The following CD180 variants were observed in gnomAD, a reference collection of about 807,000 sequenced individuals.
CD180 encodes CD180 antigen.
In CD180, 11 loss-of-function variants were observed where a neutral mutation model predicts 10.7. That is an observed-to-expected ratio of 1.03 (90% CI 0.65 to 1.70). The LOEUF (loss-of-function observed/expected upper bound fraction) is 1.70, where lower values mean the gene tolerates loss of function less well. Among genes scored for constraint, CD180 ranks in the 40% most tolerant of loss-of-function variants. The pLI is 0.00. For missense variants in CD180, 729 were observed against 775.2 expected (o/e 0.94, Z 0.71); for synonymous variants, 286 against 294.6 (o/e 0.97, Z 0.30).
Position 67,185,869 on chromosome 5 carries a change from G to T in CD180, c.239C>A (p.Thr80Asn). 2 of 1,598,554 alleles carry T rather than the reference G, an allele frequency of 1.3e-6. No individual in the cohort carries two copies. The highest frequency in any genetic ancestry group is 1.2e-5 in the South Asian group (1 of 86,904). Residue 80 changes from threonine (T) to asparagine (N), a missense_variant, in exon 2 of 3, where the codon ACC (threonine) becomes AAC (asparagine). Physicochemically the swap from Thr to Asn is moderately conservative, Grantham distance 65 (BLOSUM62 0). Transcript: ENST00000256447. Reference sequence around the variant, plus strand: ...TACATACCTAGTTAAATCCAAAAAGGTAAGATTCATGAGTCTGCTGAAGGT... The same window carrying T: ...TACATACCTAGTTAAATCCAAAAAGTTAAGATTCATGAGTCTGCTGAAGGT... Reference protein sequence around the residue: ...NRTFSRLMNLTFLDLTRCQIN... With the variant: ...NRTFSRLMNLNFLDLTRCQIN...
intron 1 of CD180, among the ~76,000 whole-genome samples, chr5:67,191,910 T>C (rs1371079684): frequency 6.6e-6 from 1 of 152,136 alleles, no homozygotes; most frequent in Non-Finnish European, 1.5e-5. Flanking sequence ...TACTTGTATG[T>C]AAAAAACAAA....
chr5:67,184,732 A>C lies in CD180; in HGVS notation c.258-147T>G, dbSNP rs914181695. ...TCAATATCAACAGATGGCCTATTGA[A>C]GGAATTAATGAGTAGCCTCACTTCT... is the stretch of plus-strand genomic sequence containing the variant. On this transcript the variant is annotated intron_variant, in intron 2 of 2. Coordinates refer to ENST00000256447, the MANE Select transcript of CD180 (RefSeq NM_005582.3). 4 of 686,146 alleles carry C rather than the reference A, an allele frequency of 5.8e-6. No homozygotes were observed. In the South Asian group the frequency reaches 6.4e-5, roughly 11 times the overall value. 42.5% of individuals were successfully genotyped at this position (686,146 alleles called of 1,614,324 possible). A position where few individuals can be genotyped will look rare whatever the true frequency, so the allele number is the denominator to read the frequency against.
In CD180 at chr5:67,186,026, A is replaced by C; in HGVS notation, c.91-9T>G. On this transcript the variant is annotated splice_polypyrimidine_tract_variant and intron_variant, in intron 1 of 2. Transcript: ENST00000256447. Reference sequence around the variant, plus strand: ...GTTTTGTTGGCTTCTTTCTGATGGGAGAAACAAAGTAAATTAATATTAGAC... The same window carrying C: ...GTTTTGTTGGCTTCTTTCTGATGGGCGAAACAAAGTAAATTAATATTAGAC... 1 of 1,542,052 alleles carries C rather than the reference A, an allele frequency of 6.5e-7. No individual in the cohort carries two copies. The highest frequency in any genetic ancestry group is 1.7e-4 in the Middle Eastern group (1 of 5,806).
At chr5:67,191,150 G>T in intron 1 of CD180, 17 of 943,446 alleles carry the variant, frequency 1.8e-5, no homozygotes, top group Non-Finnish European at 2.1e-5. Flanking sequence ...TTGTCAATCT[G>T]ATTCCTCCAG....
chr5:67,186,873 T>TGTGTGTGTGTGTGTGTGTGTGTGTGA (rs772303459), intron 1 of CD180, among the ~76,000 whole-genome samples: 2 of 139,720 alleles, frequency 1.4e-5, no homozygotes, highest in African/African-American at 5.6e-5. Flanking sequence ...TGTGTGTGTG[T>TGTGTGTGTGTGTGTGTGTGTGTGTGA]GAAAGAGAGA....
In CD180 at chr5:67,185,920, T is replaced by C; in HGVS notation, c.188A>G (p.Asn63Ser). 6.2e-7 allele frequency: 1 copy of C among 1,612,030 alleles called. No individual in the cohort carries two copies. The highest frequency in any genetic ancestry group is 8.5e-7 in the Non-Finnish European group (1 of 1,178,860). ...TCTATTGTGAATTGTAGGCAAAAAA[T>C]TAAAGCTGAATTCCAAAAATTCTGT... is the stretch of plus-strand genomic sequence containing the variant. ...NTTEFLEFSF[N>S]FLPTIHNRTF... The change falls in exon 2 of 3, where the codon AAT (asparagine) becomes AGT (serine). Residue 63 changes from asparagine to serine, a missense_variant. Physicochemically the swap from Asn to Ser is conservative, Grantham distance 46 (BLOSUM62 1). Transcript: ENST00000256447.
intron 1 of CD180, 50 bp downstream of exon 1, chr5:67,196,502 A>G (rs1247227785): frequency 6.2e-7 from 1 of 1,602,224 alleles, no homozygotes; most frequent in African/African-American, 1.3e-5. Flanking sequence ...GCTAAATCTC[A>G]AAATTTTCAG....
Position 67,184,309 on chromosome 5 carries a change from C to T in CD180, c.534G>A (p.Leu178=), listed in dbSNP as rs1742135300. ...AGTGTATAGCATTATTCTGAAAATC[C>T]AGTACTTTCAGATTCCGTGCTGGGA... is the stretch of plus-strand genomic sequence containing the variant. ...KDFPARNLKV[L]DFQNNAIHYI... Residue 178 remains leucine, a synonymous_variant, in exon 3 of 3, where the codon CTG becomes CTA. Transcript: ENST00000256447. 1 of 1,614,016 alleles carries T rather than the reference C, an allele frequency of 6.2e-7. No individual in the cohort carries two copies. The highest frequency in any genetic ancestry group is 8.5e-7 in the Non-Finnish European group (1 of 1,180,020).
rs753770262 is a variant in CD180 at position 67,182,899 on chromosome 5, A to G, written c.1944T>C (p.Phe648=). 7 of 1,612,640 alleles carry G rather than the reference A, an allele frequency of 4.3e-6. No homozygotes were observed. The highest frequency in any genetic ancestry group is 5.9e-6 in the Non-Finnish European group (7 of 1,179,304). ...TCCACCTGAGAAGGTATTTAACTGC[A>G]AAAAATAGCAGAATAGCCAACAATA... ...FLLLLAILLF[F]AVKYLLRWKY... is the part of the protein sequence containing the mutation. Residue 648 remains phenylalanine, a synonymous_variant, in exon 3 of 3, where the codon TTT becomes TTC. Coordinates refer to ENST00000256447, the MANE Select transcript of CD180 (RefSeq NM_005582.3).
chr5:67,188,724 C>A (rs779576391), intron 1 of CD180, among the ~76,000 whole-genome samples: 1 of 151,284 alleles, frequency 6.6e-6, no homozygotes, highest in East Asian at 1.9e-4. Context: ...TTCTGCTTAG[C>A]GATGCACTTT....
In CD180 at chr5:67,182,419, G is replaced by C. The variant is rs144495046; in HGVS notation, c.*438C>G. The C allele has an allele frequency of 6.4e-6, 1 of 155,530 alleles. No individual in the cohort carries two copies. The highest frequency in any genetic ancestry group is 1.4e-5 in the Non-Finnish European group (1 of 70,338). 9.6% of individuals were successfully genotyped at this position (155,530 alleles called of 1,614,324 possible). A position where few individuals can be genotyped will look rare whatever the true frequency, so the allele number is the denominator to read the frequency against. On this transcript the variant is annotated 3_prime_UTR_variant, in exon 3 of 3. Coordinates refer to ENST00000256447, the MANE Select transcript of CD180 (RefSeq NM_005582.3). ...CCAGACCCAAGCACAATGCTGTAGTGGGGGTGGGTAGTGGGCTGGCTTCAG... is the reference window on the plus strand; with the variant it reads ...CCAGACCCAAGCACAATGCTGTAGTCGGGGTGGGTAGTGGGCTGGCTTCAG...
chr5:67,184,668 A>G, intron 2 of CD180, 83 bp from the exon 3 acceptor site: 1 of 1,114,110 alleles, frequency 9.0e-7, no homozygotes, highest in South Asian at 1.6e-5. Flanking sequence ...TAACAAAGTC[A>G]TCTTTTGTAT....
intron 1 of CD180, among the ~76,000 whole-genome samples, chr5:67,188,623 T>C (rs1742246497): frequency 6.6e-6 from 1 of 152,238 alleles, no homozygotes; most frequent in South Asian, 2.1e-4. Flanking sequence ...ATCTGCTTAG[T>C]GAGAAACAGA....
In CD180 at chr5:67,183,074, G is replaced by A. The variant is rs772324062; in HGVS notation, c.1769C>T (p.Thr590Ile). The A allele has an allele frequency of 4.3e-6, 7 of 1,612,380 alleles. No homozygotes were observed. The highest frequency in any genetic ancestry group is 5.9e-6 in the Non-Finnish European group (7 of 1,178,980). ...DCTCSNIHFL[T>I]WYKENLHKLE... The stretch of plus-strand genomic sequence containing the variant: ...TTTGTGCAGGTTTTCTTTGTACCAT[G>A]TTAAGAAATGAATATTCGAGCAAGT... The change falls in exon 3 of 3, where the codon ACA becomes ATA. Residue 590 changes from threonine (T) to isoleucine (I), a missense_variant. By Grantham distance (89) the Thr-to-Ile change is moderately conservative. Transcript: ENST00000256447.
At position 67,182,184 on chromosome 5, in the gene CD180, A is replaced by AT. The variant is rs1163152422; in HGVS notation, c.*672dup. 2 of 152,100 alleles carry AT rather than the reference A, an allele frequency of 1.3e-5. No individual in the cohort carries two copies. Among genetic ancestry groups the AT allele is most frequent in the African/African-American group, 2.4e-5 (1 of 41,384 alleles). 9.4% of individuals were successfully genotyped at this position (152,100 alleles called of 1,614,324 possible). A position where few individuals can be genotyped will look rare whatever the true frequency, so the allele number is the denominator to read the frequency against. On this transcript the variant is annotated 3_prime_UTR_variant, in exon 3 of 3. Coordinates refer to ENST00000256447, the MANE Select transcript of CD180 (RefSeq NM_005582.3). Reference sequence around the variant, plus strand: ...ATTCTAAACCTTGGGGGTGGGTTCTATTTTTTATAGCCATTCACACCCTAG... The same window carrying AT: ...ATTCTAAACCTTGGGGGTGGGTTCTATTTTTTTATAGCCATTCACACCCTAG...
rs763731128 is a variant in CD180, at chr5:67,185,818, A to T, written c.257+33T>A. ...CATACTGTATTTTAACTTAAATAAAATAAAAGAGCACACAAATAACTCAGA... is the reference window on the plus strand; with the variant it reads ...CATACTGTATTTTAACTTAAATAAATTAAAAGAGCACACAAATAACTCAGA... On this transcript the variant is annotated intron_variant, in intron 2 of 2. Transcript: ENST00000256447. 3.3e-6 allele frequency: 5 copies of T among 1,505,456 alleles called. No individual in the cohort carries two copies. The South Asian group carries it at 6.7e-5, about 20-fold the overall frequency. 93.3% of individuals were successfully genotyped at this position (1,505,456 alleles called of 1,614,324 possible).
rs1460345513 is a variant in CD180 at position 67,182,206 on chromosome 5, C to G, written c.*651G>C. On this transcript the variant is annotated 3_prime_UTR_variant, in exon 3 of 3. Coordinates refer to ENST00000256447, the MANE Select transcript of CD180 (RefSeq NM_005582.3). ...TCTATTTTTTATAGCCATTCACACC[C>G]TAGGGGCATTACAGAGACCTTACAG... is the stretch of plus-strand genomic sequence containing the variant. 6.6e-6 allele frequency: 1 copy of G among 152,140 alleles called. No individual in the cohort carries two copies. The allele number at this position is 152,140 out of a possible 1,614,324, so 9.4% of individuals were successfully genotyped here. A position where few individuals can be genotyped will look rare whatever the true frequency, so the allele number is the denominator to read the frequency against.
intron 1 of CD180, among the ~76,000 whole-genome samples, chr5:67,192,119 G>A (rs186209416): frequency 2.0e-4 from 30 of 152,294 alleles, no homozygotes; most frequent in Non-Finnish European, 3.2e-4. Context: ...GGCCGGGCAC[G>A]GTGGCTCACG....
chr5:67,194,564 T>G (rs1421022322), intron 1 of CD180, among the ~76,000 whole-genome samples: 3 of 152,176 alleles, frequency 2.0e-5, no homozygotes, highest in Non-Finnish European at 4.4e-5. Context: ...CCTTGAAAAC[T>G]CCTAATCTCC....
Sources: gnomAD v4.1 joint callset for allele counts (sites outside exome capture counted in the v4.1 genomes callset) on GRCh38, gnomAD v4.1.1 for gene constraint, MANE v1.5 for transcripts, NCBI Gene and HGNC (gene_info 2026-07-23, HGNC 2026-07-21) for gene names.